The following UBP1 variants were observed in gnomAD, a reference collection of about 807,000 sequenced individuals.
UBP1 encodes upstream binding protein 1.
UBP1 carries 22 observed loss-of-function variants against 76.1 expected under a neutral mutation model. That is an observed-to-expected ratio of 0.29 (90% confidence interval 0.21 to 0.41). UBP1 has a LOEUF of 0.41. Among genes scored for constraint, UBP1 ranks in the 10% least tolerant of loss-of-function variants. UBP1 has a pLI of 1.00. For synonymous variants in UBP1, 224 were observed against 237.1 expected (o/e 0.94, Z 0.51); for missense variants, 436 against 668.1 (o/e 0.65, Z 3.83).
intron 7 of UBP1, among the ~76,000 whole-genome samples, chr3:33,409,033 A>G (rs564272215): frequency 7.2e-5 from 11 of 152,202 alleles, no homozygotes; most frequent in Non-Finnish European, 1.5e-4. Context: ...TTGGGATTTC[A>G]GCATCTTCAT....
chr3:33,437,163 T>C (rs771357273), intron 1 of UBP1, among the ~76,000 whole-genome samples: 1 of 151,888 alleles, frequency 6.6e-6, no homozygotes, highest in African/African-American at 2.4e-5. Context: ...GCAAAGGTAA[T>C]GTTAGTAATT....
chr3:33,400,990 C>A lies in UBP1; in HGVS notation c.1058G>T (p.Gly353Val). 1 of 1,592,738 alleles carries A rather than the reference C, an allele frequency of 6.3e-7. No individual in the cohort carries two copies. Residue 353 changes from glycine to valine, a missense_variant, in exon 10 of 16, where the codon GGA becomes GTA. Physicochemically the swap from Gly to Val is moderately radical, Grantham distance 109. Transcript: ENST00000283629. ...DSNSSSPNHQ[G>V]DGASQTSGEQ... ...ACCAGAGGTCTGTGAAGCTCCATCT[C>A]CCTGATGATTTGGGGAAGAAGAATT...
At chr3:33,400,313 A>C (rs769032827) in intron 10 of UBP1, 31 bp from the exon 11 acceptor site, 15 of 1,534,490 alleles carry the variant, frequency 9.8e-6, no homozygotes, top group Non-Finnish European at 1.2e-5. Flanking sequence ...CATAAATAAA[A>C]GGAACCATTC....
intron 1 of UBP1, among the ~76,000 whole-genome samples, chr3:33,436,759 C>T (rs2045210674): frequency 1.3e-5 from 2 of 152,146 alleles, no homozygotes; most frequent in Admixed American, 1.3e-4. Flanking sequence ...TTATCTACTC[C>T]ATACTTCACA....
At chr3:33,417,829 CA>C (rs1321063983) in intron 2 of UBP1, among the ~76,000 whole-genome samples, 1 of 152,118 alleles carries the variant, frequency 6.6e-6, no homozygotes, top group African/African-American at 2.4e-5. Flanking sequence ...TCCATACTCC[CA>C]GGGGGCTTAC....
At position 33,439,762 on chromosome 3, in the gene UBP1, T is replaced by A; in HGVS notation, c.87A>T (p.Glu29Asp). 1 of 1,612,386 alleles carries A rather than the reference T, an allele frequency of 6.2e-7. No homozygotes were observed. The highest frequency in any genetic ancestry group is 8.5e-7 in the Non-Finnish European group (1 of 1,179,490). The change falls in exon 1 of 16, where the codon GAA becomes GAT. Residue 29 changes from glutamate (E) to aspartate (D), a missense_variant. Transcript: ENST00000283629. ...FDASLSGIGQ[E>D]LGAGAYSMSD... ...TCATGCTGTAAGCGCCGGCGCCCAG[T>A]TCCTGCCCGATGCCCGAGAGGCTGG... is the stretch of plus-strand genomic sequence containing the variant.
intron 1 of UBP1, among the ~76,000 whole-genome samples, chr3:33,431,276 A>T (rs2045107445): frequency 1.3e-5 from 2 of 152,212 alleles, no homozygotes; most frequent in African/African-American, 4.8e-5. Context: ...TTCAAGTCTC[A>T]GCAAAGAACG....
At chr3:33,424,435 G>C (rs938998427) in intron 2 of UBP1, among the ~76,000 whole-genome samples, 7 of 152,070 alleles carry the variant, frequency 4.6e-5, no homozygotes, top group African/African-American at 1.7e-4. Context: ...TCTATTTAAT[G>C]ACAGAAAAAT....
intron 3 of UBP1, among the ~76,000 whole-genome samples, chr3:33,415,157 A>G (rs1347064389): frequency 6.6e-6 from 1 of 152,244 alleles, no homozygotes; most frequent in East Asian, 1.9e-4. Context: ...AATATTTTAA[A>G]CATTAGGTAT....
intron 5 of UBP1, 45 bp from the exon 6 acceptor site, chr3:33,409,646 G>C (rs1357080805): frequency 2.5e-6 from 4 of 1,612,242 alleles, no homozygotes; most frequent in Non-Finnish European, 3.4e-6. Flanking sequence ...AACTTCCACT[G>C]GTTATTTTTC....
At chr3:33,408,556 TA>T in intron 8 of UBP1, 133 bp downstream of exon 8, 1 of 641,128 alleles carries the variant, frequency 1.6e-6, no homozygotes, top group Non-Finnish European at 2.5e-6. Flanking sequence ...GCAGGAAGTC[TA>T]AACAAAAGCA....
chr3:33,425,078 A>G (rs945372894), intron 2 of UBP1, among the ~76,000 whole-genome samples: 1 of 151,662 alleles, frequency 6.6e-6, no homozygotes, highest in Non-Finnish European at 1.5e-5. Flanking sequence ...CCACATCTCT[A>G]TTTTCCCTCC....
chr3:33,435,064 T>C (rs576710225), intron 1 of UBP1, among the ~76,000 whole-genome samples: 2 of 152,348 alleles, frequency 1.3e-5, no homozygotes, highest in East Asian at 3.9e-4. Context: ...AAATATTTAC[T>C]ACCTAGCCCT....
chr3:33,431,756 A>C (rs2045117852), intron 1 of UBP1, among the ~76,000 whole-genome samples: 1 of 151,800 alleles, frequency 6.6e-6, no homozygotes, highest in Non-Finnish European at 1.5e-5. Flanking sequence ...AAAAAAAAAA[A>C]ACGAAAAAAG....
At chr3:33,395,765 A>G (rs1318259387) in intron 13 of UBP1, among the ~76,000 whole-genome samples, 6 of 151,270 alleles carry the variant, frequency 4.0e-5, no homozygotes, top group African/African-American at 9.7e-5. Flanking sequence ...AAAAAAAAAA[A>G]AAAAAAAAGA....
At chr3:33,437,258 G>A (rs2045218636) in intron 1 of UBP1, among the ~76,000 whole-genome samples, 1 of 150,206 alleles carries the variant, frequency 6.7e-6, no homozygotes. Context: ...AAGGGGTGGG[G>A]GGAAACAACA....
intron 5 of UBP1, among the ~76,000 whole-genome samples, chr3:33,410,387 A>AC (rs139947581): frequency 0.025 from 3,748 of 152,330 alleles, 79 homozygotes; most frequent in Admixed American, 0.058. Context: ...GTCTTGTATC[A>AC]CTTTGATTTA....
chr3:33,393,381 G>T lies in UBP1; in HGVS notation c.1464C>A (p.Ile488=), dbSNP rs2043842980. ...AAACCTGATTAATTTGGTGGAGAGGGATATTAAACACCAGCGCAAGTTTTC... is the reference window on the plus strand; with the variant it reads ...AAACCTGATTAATTTGGTGGAGAGGTATATTAAACACCAGCGCAAGTTTTC... ...VARKLALVFN[I]PLHQINQVYR... The change falls in exon 14 of 16, where the codon ATC becomes ATA. Residue 488 remains isoleucine, a synonymous_variant. Transcript: ENST00000283629. 1 of 1,612,998 alleles carries T rather than the reference G, an allele frequency of 6.2e-7. No homozygotes were observed. The highest frequency in any genetic ancestry group is 8.5e-7 in the Non-Finnish European group (1 of 1,179,472).
intron 2 of UBP1, among the ~76,000 whole-genome samples, chr3:33,420,887 A>C (rs2044873042): frequency 6.6e-6 from 1 of 152,170 alleles, no homozygotes; most frequent in African/African-American, 2.4e-5. Context: ...CCTCCCAAAA[A>C]TGCTGGGATT....
Sources: allele counts gnomAD v4.1 joint callset (sites outside exome capture counted in the v4.1 genomes callset), GRCh38; gene constraint gnomAD v4.1.1; transcripts MANE v1.5; gene names NCBI Gene and HGNC (gene_info 2026-07-23, HGNC 2026-07-21).